Variants in B3GALT1 observed in about 807,000 individuals in gnomAD.
The protein encoded by B3GALT1 is UDP-Gal:betaGlcNAc beta 1,3-galactosyltransferase, polypeptide 1.
Under a neutral mutation model 23.2 loss-of-function variants are expected in B3GALT1, and 10 were observed. The ratio of observed to expected loss-of-function variants is 0.43; its 90% CI spans 0.27 to 0.73. The LOEUF (loss-of-function observed/expected upper bound fraction) is 0.73. Among genes scored for constraint, B3GALT1 ranks in the 30% least tolerant of loss-of-function variants. The probability of loss-of-function intolerance (pLI) is 0.21; values close to 1 mark genes in which losing one functional copy is unlikely to be tolerated. For synonymous variants in B3GALT1, 156 were observed against 141.5 expected, an observed-to-expected ratio of 1.10 and a Z score of -0.73; for missense variants, 299 against 405.4, an observed-to-expected ratio of 0.74 and a Z score of 2.25.
chr2:167,776,025 T>C (rs1688156549), intron 3 of B3GALT1, among the ~76,000 whole-genome samples: 1 of 140,112 alleles, frequency 7.1e-6, no homozygotes, highest in Non-Finnish European at 1.5e-5. Context: ...TATAAGTAGA[T>C]AATTATGCAA....
chr2:167,749,708 C>T (rs1687704917), intron 3 of B3GALT1, among the ~76,000 whole-genome samples: 1 of 152,098 alleles, frequency 6.6e-6, no homozygotes, highest in Non-Finnish European at 1.5e-5. Context: ...GTTTTAAATG[C>T]CTTAAACTAA....
At chr2:167,682,661 G>A (rs1179713174) in intron 3 of B3GALT1, among the ~76,000 whole-genome samples, 3 of 152,166 alleles carry the variant, frequency 2.0e-5, no homozygotes, top group African/African-American at 7.2e-5. Context: ...GCCCAGCATG[G>A]CTGGGGTGCC....
At chr2:167,813,109 C>A (rs536501208) in intron 3 of B3GALT1, among the ~76,000 whole-genome samples, 4 of 151,552 alleles carry the variant, frequency 2.6e-5, no homozygotes, top group Non-Finnish European at 4.4e-5. Context: ...GTATCCCTAG[C>A]CCCTAGTAGA....
At chr2:167,545,137 C>T (rs1011914627) in intron 2 of B3GALT1, among the ~76,000 whole-genome samples, 5 of 145,542 alleles carry the variant, frequency 3.4e-5, no homozygotes, top group Non-Finnish European at 7.4e-5. Context: ...CGGGTTCATG[C>T]CATTCTCCTG....
rs564080673 is a variant in B3GALT1, at chr2:167,714,697, G to A, written c.-352+67731G>A. On this transcript the variant is annotated intron_variant, in intron 3 of 4. Coordinates refer to ENST00000392690, the MANE Select transcript of B3GALT1 (RefSeq NM_020981.4). ...ACCAATTATTATGTCCTTTTTTCTC[G>A]TAGGAAATAACCTGCTTTTGATAAA... 2.8e-5 allele frequency: 45 copies of A among 1,613,678 alleles called. 1 individual carries two copies. Among genetic ancestry groups the A allele is most frequent in the Middle Eastern group, 3.3e-4 (2 of 6,034 alleles).
rs191880835 is a variant in B3GALT1 at position 167,579,311 on chromosome 2, A to C, written c.-409-67598A>C. On this transcript the variant is annotated intron_variant, in intron 2 of 4. Transcript: ENST00000392690. The stretch of plus-strand genomic sequence containing the variant: ...GAAACTCTTGCCCTCAACTATTACT[A>C]TTTTCTATTTAAAATTTTTATAATA... Among the ~76,000 whole-genome samples, 571 of 151,454 alleles carry C rather than the reference A, an allele frequency of 3.8e-3. 4 individuals are homozygous for C. Among genetic ancestry groups the C allele is most frequent in the African/African-American group, 0.01 (424 of 41,256 alleles).
rs561399093 is a variant in B3GALT1 at position 167,869,762 on chromosome 2, C to T, written c.723C>T (p.Tyr241=). The T allele has an allele frequency of 1.1e-4, 175 of 1,614,054 alleles. No individual in the cohort carries two copies. Among genetic ancestry groups the T allele is most frequent in the Non-Finnish European group, 1.4e-4 (162 of 1,180,030 alleles). ...CACCTTTCTGTTCGGGGACTGGCTA[C>T]ATCTTTTCAGCCGATGTAGCTGAAC... The part of the protein sequence containing the change: ...NYPPFCSGTG[Y]IFSADVAELI... The change falls in exon 5 of 5, where the codon TAC becomes TAT. Residue 241 remains tyrosine, a synonymous_variant. Coordinates refer to ENST00000392690, the MANE Select transcript of B3GALT1 (RefSeq NM_020981.4). This position sits in a 1 kb window ranked among gnomAD's most constrained non-coding sequence, Gnocchi z 6.4.
intron 3 of B3GALT1, among the ~76,000 whole-genome samples, chr2:167,680,671 C>T (rs1686513642): frequency 6.6e-6 from 1 of 152,178 alleles, no homozygotes; most frequent in Non-Finnish European, 1.5e-5. Context: ...AAATGGATAT[C>T]TCAAGAGGTT....
chr2:167,759,332 G>A (rs529988821), intron 3 of B3GALT1, among the ~76,000 whole-genome samples: 3 of 152,226 alleles, frequency 2.0e-5, no homozygotes, highest in African/African-American at 4.8e-5. Flanking sequence ...GCTTTGTACT[G>A]GGAATAAATA....
chr2:167,553,760 G>A (rs1277729080), intron 2 of B3GALT1, among the ~76,000 whole-genome samples: 5 of 152,080 alleles, frequency 3.3e-5, no homozygotes, highest in Non-Finnish European at 7.4e-5. Flanking sequence ...TGTAATTTTG[G>A]AACTACAGCT....
At chr2:167,565,380 G>T (rs548562679) in intron 2 of B3GALT1, among the ~76,000 whole-genome samples, 3 of 152,112 alleles carry the variant, frequency 2.0e-5, no homozygotes, top group African/African-American at 7.2e-5. Context: ...AGACTTAAAC[G>T]TCAGACCTAA....
intron 1 of B3GALT1, 121 bp downstream of exon 1, chr2:167,293,455 T>A (rs969493380): frequency 3.3e-5 from 5 of 152,322 alleles, no homozygotes; most frequent in African/African-American, 9.6e-5. Context: ...GGACTGCGTG[T>A]CCCGACGCTG....
At position 167,623,272 on chromosome 2, in the gene B3GALT1, A is replaced by G. The variant is rs554076343; in HGVS notation, c.-409-23637A>G. On this transcript the variant is annotated intron_variant, in intron 2 of 4. Transcript: ENST00000392690. Reference sequence around the variant, plus strand: ...ATCCAGCAATCCCATTACTGGGTATATGCCCAAAGGATTATAAATCATTCT... The same window carrying G: ...ATCCAGCAATCCCATTACTGGGTATGTGCCCAAAGGATTATAAATCATTCT... Among the ~76,000 whole-genome samples the G allele has an allele frequency of 2.6e-5, 4 of 152,290 alleles. No homozygotes were observed. The East Asian group carries it at 7.7e-4, about 29-fold the overall frequency.
intron 1 of B3GALT1, among the ~76,000 whole-genome samples, chr2:167,443,937 T>G (rs927408684): frequency 6.6e-6 from 1 of 152,234 alleles, no homozygotes; most frequent in Non-Finnish European, 1.5e-5. Context: ...GGCATCTCTG[T>G]CTTGTGCCAG....
At chr2:167,647,409 A>G (rs1484738050) in intron 3 of B3GALT1, among the ~76,000 whole-genome samples, 1 of 152,172 alleles carries the variant, frequency 6.6e-6, no homozygotes, top group Non-Finnish European at 1.5e-5. Flanking sequence ...CATTTCTCTC[A>G]TCCCATAAGT....
intron 1 of B3GALT1, among the ~76,000 whole-genome samples, chr2:167,302,432 C>T (rs1286777501): frequency 6.6e-6 from 1 of 151,888 alleles, no homozygotes; most frequent in Non-Finnish European, 1.5e-5. Flanking sequence ...GAGTGATATG[C>T]TTAATTTTGG....
At chr2:167,575,840 A>G (rs555570743) in intron 2 of B3GALT1, among the ~76,000 whole-genome samples, 38 of 151,826 alleles carry the variant, frequency 2.5e-4, no homozygotes, top group African/African-American at 8.7e-4. Flanking sequence ...TTATAACCTG[A>G]TTTTTATGGC....
At chr2:167,703,501 T>TTA (rs1686913766) in intron 3 of B3GALT1, among the ~76,000 whole-genome samples, 1 of 16,972 alleles carries the variant, frequency 5.9e-5, no homozygotes, top group Non-Finnish European at 1.0e-4. Flanking sequence ...AGGATTAAAA[T>TTA]TAAGGTTAAA....
intron 2 of B3GALT1, among the ~76,000 whole-genome samples, chr2:167,586,247 A>C (rs966792064): frequency 6.6e-6 from 1 of 152,234 alleles, no homozygotes; most frequent in Non-Finnish European, 1.5e-5. Flanking sequence ...GCAATGTGCA[A>C]AGTCCAGGAG....
Sources: allele counts gnomAD v4.1 joint callset (sites outside exome capture counted in the v4.1 genomes callset), GRCh38; gene constraint gnomAD v4.1.1; non-coding constraint Gnocchi (gnomAD v3.1); transcripts MANE v1.5; gene names NCBI Gene and HGNC (gene_info 2026-07-23, HGNC 2026-07-21).